Variants in NPAS3 observed in about 807,000 individuals in gnomAD.
NPAS3 encodes neuronal PAS domain protein 3.
A neutral mutation model predicts 73.1 loss-of-function variants in NPAS3; 14 were observed. The observed-to-expected ratio is 0.19, with a 90% CI of 0.13 to 0.30. The LOEUF (loss-of-function observed/expected upper bound fraction) is 0.30, where lower values mean the gene tolerates loss of function less well. Among genes scored for constraint, NPAS3 ranks in the 10% least tolerant of loss-of-function variants. NPAS3 has a pLI of 1.00. For missense variants in NPAS3, 1,096 were observed against 1,250.0 expected, an observed-to-expected ratio of 0.88 and a Z score of 1.86; for synonymous variants, 620 against 541.5, an observed-to-expected ratio of 1.14 and a Z score of -2.01.
At chr14:33,774,647 G>C (rs1216550801) in intron 8 of NPAS3, 117 bp downstream of exon 8, 1 of 775,542 alleles carries the variant, frequency 1.3e-6, no homozygotes, top group Non-Finnish European at 2.1e-6. Flanking sequence ...TCCTGATCTT[G>C]TTTTTAATGG....
chr14:33,531,549 A>G (rs8019714), intron 4 of NPAS3, among the ~76,000 whole-genome samples: 6,877 of 152,188 alleles, frequency 0.045, 492 homozygotes, highest in African/African-American at 0.15. Context: ...GCCTATGTAC[A>G]GCTGTACCAC....
intron 2 of NPAS3, among the ~76,000 whole-genome samples, chr14:33,188,686 G>T (rs2046066037): frequency 6.6e-6 from 1 of 152,138 alleles, no homozygotes; most frequent in Non-Finnish European, 1.5e-5. Context: ...ACTTAGTATT[G>T]TTACAGGAGA....
chr14:33,328,446 CTTTTTTTTTTTTTTTTTTTTTT>C (rs58411120), intron 3 of NPAS3, among the ~76,000 whole-genome samples: 5 of 49,598 alleles, frequency 1.0e-4, no homozygotes, highest in East Asian at 5.5e-4. Context: ...CTTTTCTTTT[CTTTTTTTTTTTTTTTTTTTTTT>C]TTTTTTTTTT....
intron 1 of NPAS3, among the ~76,000 whole-genome samples, chr14:33,009,268 A>G (rs577154086): frequency 1.3e-5 from 2 of 152,304 alleles, no homozygotes; most frequent in East Asian, 1.9e-4. Flanking sequence ...ACCAAAAGAC[A>G]TCATAGTTTT....
At chr14:33,802,155 C>T (rs2063728447), downstream of NPAS3, 1 of 152,044 alleles carries the variant, frequency 6.6e-6, no homozygotes, top group Non-Finnish European at 1.5e-5. Context: ...ACTTCAATAA[C>T]ACTTCGGAGT....
chr14:33,774,319 C>T lies in NPAS3; in HGVS notation c.853-18C>T. 1 of 1,606,120 alleles carries T rather than the reference C, an allele frequency of 6.2e-7. No homozygotes were observed. Among genetic ancestry groups the T allele is most frequent in the Non-Finnish European group, 8.5e-7 (1 of 1,173,400 alleles). ...ATGTAAATTTGACTGGTGTCCTGTACTTAATGTTGTTTTACAGGTGATTCA... is the reference window on the plus strand; with the variant it reads ...ATGTAAATTTGACTGGTGTCCTGTATTTAATGTTGTTTTACAGGTGATTCA... On this transcript the variant is annotated intron_variant, in intron 7 of 11. Coordinates refer to ENST00000356141, the Ensembl canonical transcript of NPAS3.
At chr14:33,388,490 C>G (rs2046864492) in intron 4 of NPAS3, among the ~76,000 whole-genome samples, 1 of 149,976 alleles carries the variant, frequency 6.7e-6, no homozygotes. Flanking sequence ...ATTTCTGTGG[C>G]AGGTGAATGG....
rs762874557 is a variant in NPAS3, at chr14:33,778,589, T to C, written c.1153+17T>C. 4 of 1,553,688 alleles carry C rather than the reference T, an allele frequency of 2.6e-6. No homozygotes were observed. The African/African-American group carries it at 5.4e-5, about 21-fold the overall frequency. The stretch of plus-strand genomic sequence containing the variant: ...ACTTGGACTGTAAGTACCTCCTGTG[T>C]GGGGGAATAACCCCGGCTGGTGTCA... On this transcript the variant is annotated intron_variant, in intron 9 of 11. Transcript: ENST00000356141.
At chr14:33,518,592 A>AT (rs71433619) in intron 4 of NPAS3, among the ~76,000 whole-genome samples, 3,489 of 128,758 alleles carry the variant, frequency 0.027, 91 homozygotes, top group African/African-American at 0.051. Flanking sequence ...GACATCAAGG[A>AT]TTTTTTTTTT....
At position 33,010,432 on chromosome 14, in the gene NPAS3, A is replaced by G. The variant is rs933035712; in HGVS notation, c.51-45473A>G. Among the ~76,000 whole-genome samples the G allele has an allele frequency of 6.6e-5, 10 of 152,364 alleles. No individual in the cohort carries two copies. The East Asian group carries it at 1.7e-3, about 26-fold the overall frequency. ...TTCTCCTTCACACTAACTTTGAGCC[A>G]ATCTATGTAAGAAGGTACATACTTA... is the stretch of plus-strand genomic sequence containing the variant. On this transcript the variant is annotated intron_variant, in intron 1 of 11. Transcript: ENST00000356141.
intron 1 of NPAS3, among the ~76,000 whole-genome samples, chr14:33,039,630 T>C (rs2040284451): frequency 6.6e-6 from 1 of 152,248 alleles, no homozygotes. Flanking sequence ...TTGAACAGTC[T>C]GGGTCTGCCA....
chr14:33,643,714 G>A (rs1290561655), intron 5 of NPAS3, among the ~76,000 whole-genome samples: 3 of 152,116 alleles, frequency 2.0e-5, no homozygotes, highest in East Asian at 3.8e-4. Flanking sequence ...GGCTTTGTGA[G>A]CTCGATAAAA....
At chr14:32,997,199 G>A (rs1040472664) in intron 1 of NPAS3, among the ~76,000 whole-genome samples, 2 of 152,200 alleles carry the variant, frequency 1.3e-5, no homozygotes, top group East Asian at 1.9e-4. Context: ...TGGAATAGCT[G>A]TATTTACCTA....
chr14:33,493,381 T>C (rs1195513095), intron 4 of NPAS3, among the ~76,000 whole-genome samples: 2 of 151,926 alleles, frequency 1.3e-5, no homozygotes, highest in Non-Finnish European at 2.9e-5. Flanking sequence ...AGAAATTGTC[T>C]TGTCTCTGTG....
At chr14:33,272,031 T>C (rs543863986) in intron 3 of NPAS3, among the ~76,000 whole-genome samples, 2 of 152,186 alleles carry the variant, frequency 1.3e-5, no homozygotes, top group Non-Finnish European at 2.9e-5. Context: ...AATAAGCTGA[T>C]GAAGATCAAG....
intron 2 of NPAS3, among the ~76,000 whole-genome samples, chr14:33,187,020 T>C (rs2046001405): frequency 6.6e-6 from 1 of 152,214 alleles, no homozygotes; most frequent in African/African-American, 2.4e-5. Flanking sequence ...ACTCCTGCTC[T>C]AGTCTAAACC....
intron 4 of NPAS3, among the ~76,000 whole-genome samples, chr14:33,486,538 C>T (rs866043699): frequency 6.6e-6 from 1 of 152,308 alleles, no homozygotes; most frequent in Non-Finnish European, 1.5e-5. Context: ...ATGCACTAAA[C>T]TCCTGTTAGC....
intron 1 of NPAS3, among the ~76,000 whole-genome samples, chr14:33,014,816 T>C (rs1216845430): frequency 6.6e-6 from 1 of 152,098 alleles, no homozygotes; most frequent in Non-Finnish European, 1.5e-5. Flanking sequence ...TGATTCCACA[T>C]GGAAAGAGAA....
intron 4 of NPAS3, among the ~76,000 whole-genome samples, chr14:33,479,578 A>G (rs1486348912): frequency 6.6e-6 from 1 of 152,206 alleles, no homozygotes; most frequent in Non-Finnish European, 1.5e-5. Flanking sequence ...CATGTTTTCA[A>G]AGTGCAGCTT....
Sources: gnomAD v4.1 joint callset for allele counts (sites outside exome capture counted in the v4.1 genomes callset) on GRCh38, gnomAD v4.1.1 for gene constraint, MANE v1.5 for transcripts, NCBI Gene and HGNC (gene_info 2026-07-23, HGNC 2026-07-21) for gene names.